The following LINGO3 variants were observed in gnomAD, a reference collection of about 807,000 sequenced individuals.
LINGO3 encodes leucine-rich repeat and immunoglobulin-like domain-containing nogo receptor-interacting protein 3.
For synonymous variants in LINGO3, 427 were observed against 444.2 expected (o/e 0.96, Z 0.49); for missense variants, 750 against 867.7 (o/e 0.86, Z 1.70).
downstream of LINGO3, among the ~76,000 whole-genome samples, chr19:2,287,990 G>T (rs2025481685): frequency 6.6e-6 from 1 of 152,210 alleles, no homozygotes; most frequent in Non-Finnish European, 1.5e-5. This position sits in a 1 kb window ranked among gnomAD's most constrained non-coding sequence, Gnocchi z 4.5. Flanking sequence ...AGGATGTGGA[G>T]GGGAGGGGCA....
At chr19:2,304,559 CAG>C in the LINGO3 span, among the ~76,000 whole-genome samples, 6,381 of 152,090 alleles carry the variant, frequency 0.042, 469 homozygotes, top group African/African-American at 0.15. Context: ...GGGTGAAAGT[CAG>C]AGACTGGAAG....
chr19:2,307,854 C>T, the LINGO3 span, among the ~76,000 whole-genome samples: 1 of 152,102 alleles, frequency 6.6e-6, no homozygotes, highest in African/African-American at 2.4e-5. Flanking sequence ...AGAGGAGGGG[C>T]GGGGGGCCCC....
At chr19:2,299,901 T>C in the LINGO3 span, among the ~76,000 whole-genome samples, 1 of 151,096 alleles carries the variant, frequency 6.6e-6, no homozygotes, top group Non-Finnish European at 1.5e-5. Context: ...TTTTTTGTAT[T>C]TTTAGCAGAG....
In LINGO3 at chr19:2,290,196, G is replaced by T. The variant is rs765421684; in HGVS notation, c.1581C>A (p.Ile527=). 1 of 1,610,922 alleles carries T rather than the reference G, an allele frequency of 6.2e-7. No homozygotes were observed. The highest frequency in any genetic ancestry group is 8.5e-7 in the Non-Finnish European group (1 of 1,179,170). ...TGCAGCCCATGGCGGTGGACACCAG[G>T]ATGGTGGTGAGGTCGAGCGGCGCGC... is the stretch of plus-strand genomic sequence containing the variant. The change falls in exon 1 of 1, where the codon ATC becomes ATA. Residue 527 remains isoleucine (I), a synonymous_variant. Transcript: ENST00000585527. This position sits in a 1 kb window ranked among gnomAD's most constrained non-coding sequence, Gnocchi z 6.0.
At chr19:2,299,059 T>C in the LINGO3 span, among the ~76,000 whole-genome samples, 1 of 152,138 alleles carries the variant, frequency 6.6e-6, no homozygotes, top group African/African-American at 2.4e-5. Context: ...ACAAGAGCCC[T>C]CCGGGGCACC....
chr19:2,302,520 C>T, the LINGO3 span, among the ~76,000 whole-genome samples: 1 of 152,224 alleles, frequency 6.6e-6, no homozygotes, highest in Non-Finnish European at 1.5e-5. Flanking sequence ...GGCGCGAAGC[C>T]GGAGCTGGGG....
chr19:2,295,136 TA>T (rs2025562323), upstream of LINGO3, among the ~76,000 whole-genome samples: 3 of 152,130 alleles, frequency 2.0e-5, no homozygotes, highest in Admixed American at 6.5e-5. Context: ...GAATTGTACG[TA>T]AGTGAGGACA....
At chr19:2,307,408 C>T in the LINGO3 span, among the ~76,000 whole-genome samples, 1 of 152,184 alleles carries the variant, frequency 6.6e-6, no homozygotes, top group African/African-American at 2.4e-5. Flanking sequence ...GGTGCTGCTC[C>T]CCTAAACTTG....
chr19:2,293,861 T>C (rs1389583502), upstream of LINGO3, among the ~76,000 whole-genome samples: 2 of 151,780 alleles, frequency 1.3e-5, no homozygotes, highest in Non-Finnish European at 2.9e-5. Context: ...GAGACCAGCC[T>C]GGGCAACATG....
the LINGO3 span, among the ~76,000 whole-genome samples, chr19:2,299,122 T>G: frequency 5.3e-5 from 8 of 152,290 alleles, no homozygotes; most frequent in Admixed American, 4.6e-4. Context: ...AGCTGATCCC[T>G]CGCGCCCAGC....
chr19:2,302,716 A>C, the LINGO3 span, among the ~76,000 whole-genome samples: 3 of 152,210 alleles, frequency 2.0e-5, no homozygotes, highest in African/African-American at 7.2e-5. Flanking sequence ...TCGTGTTTCA[A>C]GGACAGAGCC....
chr19:2,294,408 G>A (rs1032906038), upstream of LINGO3, among the ~76,000 whole-genome samples: 1 of 152,176 alleles, frequency 6.6e-6, no homozygotes, highest in Admixed American at 6.5e-5. This position sits in a 1 kb window ranked among gnomAD's most constrained non-coding sequence, Gnocchi z 4.3. Context: ...TTCCGCCTCC[G>A]GAGCTGGGAA....
chr19:2,301,927 CAAAA>C, the LINGO3 span, among the ~76,000 whole-genome samples: 2 of 35,272 alleles, frequency 5.7e-5, no homozygotes, highest in African/African-American at 9.5e-5. Context: ...GACTCCATCT[CAAAA>C]AAAAAAAAAA....
At chr19:2,295,704 C>G (rs1400035247), upstream of LINGO3, among the ~76,000 whole-genome samples, 1 of 152,094 alleles carries the variant, frequency 6.6e-6, no homozygotes, top group Non-Finnish European at 1.5e-5. Context: ...CCACTGCACT[C>G]CAGCCTGGGC....
chr19:2,297,353 G>A, the LINGO3 span, among the ~76,000 whole-genome samples: 1 of 136,682 alleles, frequency 7.3e-6, no homozygotes, highest in Middle Eastern at 4.1e-3. Context: ...CGCCCAGGCT[G>A]GAGTGCAGTG....
At chr19:2,301,457 C>T in the LINGO3 span, among the ~76,000 whole-genome samples, 7 of 152,066 alleles carry the variant, frequency 4.6e-5, no homozygotes, top group East Asian at 1.9e-4. Context: ...GAGTCCCCGG[C>T]GGGGCAGAAC....
the LINGO3 span, among the ~76,000 whole-genome samples, chr19:2,299,704 G>A: frequency 0.11 from 15,864 of 143,062 alleles, 1,157 homozygotes; most frequent in East Asian, 0.2. Context: ...GATTACAGGC[G>A]TGAGCCACTG....
At chr19:2,292,245 A>G (rs1309728518), upstream of LINGO3, among the ~76,000 whole-genome samples, 1 of 150,900 alleles carries the variant, frequency 6.6e-6, no homozygotes, top group Non-Finnish European at 1.5e-5. Context: ...AAATATTGAA[A>G]AGTTTACCCA....
the LINGO3 span, among the ~76,000 whole-genome samples, chr19:2,308,101 C>G: frequency 2.2e-4 from 32 of 146,058 alleles, no homozygotes; most frequent in East Asian, 6.1e-3. Context: ...GCGGACACGG[C>G]GCGGGCTGCG....
Sources: gnomAD v4.1 joint callset for allele counts (sites outside exome capture counted in the v4.1 genomes callset) on GRCh38, gnomAD v4.1.1 for gene constraint, Gnocchi (gnomAD v3.1) non-coding constraint, MANE v1.5 for transcripts, NCBI Gene and HGNC (gene_info 2026-07-23, HGNC 2026-07-21) for gene names.